CAMKK2: variants seen among roughly 807,000 people sequenced by gnomAD.
CAMKK2 encodes the protein calcium/calmodulin-dependent protein kinase kinase 2.
A neutral mutation model predicts 67.2 loss-of-function variants in CAMKK2; 30 were observed. That is an observed-to-expected ratio of 0.45 (90% confidence interval 0.33 to 0.61). The LOEUF (loss-of-function observed/expected upper bound fraction) is 0.61. Among genes scored for constraint, CAMKK2 ranks in the 20% least tolerant of loss-of-function variants. CAMKK2 has a pLI of 0.02. For missense variants in CAMKK2, 643 were observed against 802.0 expected (o/e 0.80, Z 2.39); for synonymous variants, 322 against 326.2 (o/e 0.99, Z 0.14).
intron 7 of CAMKK2, 101 bp downstream of exon 7, chr12:121,260,218 T>C (rs1428738856): frequency 3.1e-6 from 3 of 980,388 alleles, no homozygotes; most frequent in Non-Finnish European, 4.5e-6. Flanking sequence ...AAAGCTGTCT[T>C]TGGTGGAAGG....
intron 9 of CAMKK2, among the ~76,000 whole-genome samples, chr12:121,254,221 G>A (rs1410441353): frequency 1.3e-5 from 2 of 152,188 alleles, no homozygotes; most frequent in Non-Finnish European, 2.9e-5. Flanking sequence ...CACTTTGGGA[G>A]GCAAGGCAGG....
At chr12:121,286,762 G>A (rs913104877) in intron 1 of CAMKK2, among the ~76,000 whole-genome samples, 1 of 152,294 alleles carries the variant, frequency 6.6e-6, no homozygotes, top group South Asian at 2.1e-4. Context: ...GAGGCACAGA[G>A]AGCCTGGCTG....
At chr12:121,244,237 C>CACAGTGCAGCATG in intron 16 of CAMKK2, 1 of 1,136,476 alleles carries the variant, frequency 8.8e-7, no homozygotes, top group Non-Finnish European at 1.3e-6. Context: ...CGGGGGGGCA[C>CACAGTGCAGCATG]CCATGGGCCC....
At chr12:121,276,657 AATCACCCAC>A (rs1208823344) in intron 1 of CAMKK2, among the ~76,000 whole-genome samples, 4 of 151,938 alleles carry the variant, frequency 2.6e-5, no homozygotes, top group Admixed American at 1.3e-4. Flanking sequence ...ACTCCATGCT[AATCACCCAC>A]ATCACAAAGG....
intron 6 of CAMKK2, chr12:121,260,558 T>G: frequency 1.7e-6 from 1 of 588,278 alleles, no homozygotes; most frequent in Non-Finnish European, 3.0e-6. Flanking sequence ...GGAAAATAAA[T>G]GCCTCTCTGT....
At chr12:121,251,629 A>C (rs1054419309) in intron 11 of CAMKK2, among the ~76,000 whole-genome samples, 2 of 152,096 alleles carry the variant, frequency 1.3e-5, no homozygotes, top group Non-Finnish European at 2.9e-5. Context: ...GGAGTTTGAA[A>C]CCAGTCTGGC....
intron 1 of CAMKK2, among the ~76,000 whole-genome samples, chr12:121,284,833 A>C (rs1162760531): frequency 6.6e-6 from 1 of 152,200 alleles, no homozygotes; most frequent in Non-Finnish European, 1.5e-5. Flanking sequence ...TGGAGGAGAA[A>C]TGCACAGGAT....
chr12:121,240,742 C>T lies in CAMKK2; in HGVS notation c.1724G>A (p.Arg575His). Reference sequence around the variant, plus strand: ...CTCCTCCGGCCGCAGTGGATGCATGCGTGCGGGGGAGCCGGGGGCGGGGGC... The same window carrying T: ...CTCCTCCGGCCGCAGTGGATGCATGTGTGCGGGGGAGCCGGGGGCGGGGGC... Reference protein sequence around the residue: ...CWAPAPGSPARMHPLRPEEAM... With the variant: ...CWAPAPGSPAHMHPLRPEEAM... Residue 575 changes from arginine (R) to histidine (H), a missense_variant, in exon 17 of 17, where the codon CGC (arginine) becomes CAC (histidine). Transcript: ENST00000404169. The surrounding 1 kb of genome is among the most constrained non-coding windows in gnomAD (Gnocchi z 4.4). 2 of 1,608,334 alleles carry T rather than the reference C, an allele frequency of 1.2e-6. No individual in the cohort carries two copies. The highest frequency in any genetic ancestry group is 4.5e-5 in the East Asian group (2 of 44,870).
At chr12:121,266,554 T>C (rs374184342) in intron 5 of CAMKK2, among the ~76,000 whole-genome samples, 6 of 150,596 alleles carry the variant, frequency 4.0e-5, no homozygotes, top group East Asian at 3.9e-4. Flanking sequence ...TGGAGTGCAG[T>C]GGCGCGATCT....
chr12:121,260,492 C>A lies in CAMKK2; in HGVS notation c.760-137G>T, dbSNP rs904178834. On this transcript the variant is annotated intron_variant, in intron 6 of 16. Transcript: ENST00000404169. ...GGGCTGCATTTGGCAGCGTGTTTCCCAGTTAAGATGGAAGATAGGGAAAAC... is the reference window on the plus strand; with the variant it reads ...GGGCTGCATTTGGCAGCGTGTTTCCAAGTTAAGATGGAAGATAGGGAAAAC... The A allele has an allele frequency of 4.3e-5, 32 of 737,438 alleles. 1 individual carries two copies. The East Asian group carries it at 8.7e-4, about 20-fold the overall frequency. 45.7% of individuals were successfully genotyped at this position (737,438 alleles called of 1,614,324 possible).
At chr12:121,247,207 C>T (rs906122311) in intron 14 of CAMKK2, among the ~76,000 whole-genome samples, 9 of 152,128 alleles carry the variant, frequency 5.9e-5, no homozygotes, top group African/African-American at 2.2e-4. Context: ...CCAAGTGTGC[C>T]TCCATTAGGG....
At chr12:121,283,687 C>A (rs1328986197) in intron 1 of CAMKK2, among the ~76,000 whole-genome samples, 1 of 152,138 alleles carries the variant, frequency 6.6e-6, no homozygotes, top group Non-Finnish European at 1.5e-5. Flanking sequence ...ATGGTACTCA[C>A]ACCTGTAGTC....
chr12:121,253,516 C>A lies in CAMKK2; in HGVS notation c.908-44G>T. On this transcript the variant is annotated intron_variant, in intron 9 of 16. Transcript: ENST00000404169. This position sits in a 1 kb window ranked among gnomAD's most constrained non-coding sequence, Gnocchi z 5.0. Reference sequence around the variant, plus strand: ...CAGGTGGGAGATAGGGGCAGGAAAACCTCGTGAGCACCTCTATGCGGCCAC... The same window carrying A: ...CAGGTGGGAGATAGGGGCAGGAAAAACTCGTGAGCACCTCTATGCGGCCAC... 6.5e-7 allele frequency: 1 copy of A among 1,536,976 alleles called. No homozygotes were observed. The highest frequency in any genetic ancestry group is 9.0e-7 in the Non-Finnish European group (1 of 1,110,428).
intron 16 of CAMKK2, among the ~76,000 whole-genome samples, chr12:121,241,207 T>C (rs1227624196): frequency 2.0e-5 from 3 of 152,086 alleles, no homozygotes; most frequent in African/African-American, 7.2e-5. Flanking sequence ...GCGCCTGTCA[T>C]ACCAGGTTTT....
In CAMKK2 at chr12:121,260,744, G is replaced by A. The variant is rs1313290494; in HGVS notation, c.760-389C>T. ...GAGGCGGGCGGATCACCTGAGGTCG[G>A]GAGTTCAATACCAGCCTGACCAACA... On this transcript the variant is annotated intron_variant, in intron 6 of 16. Coordinates refer to ENST00000404169, the MANE Select transcript of CAMKK2 (RefSeq NM_001270485.2). Among the ~76,000 whole-genome samples, 3 of 152,016 alleles carry A rather than the reference G, an allele frequency of 2.0e-5. No homozygotes were observed. In the East Asian group the frequency reaches 5.8e-4, roughly 29 times the overall value.
intron 4 of CAMKK2, 121 bp downstream of exon 4, chr12:121,269,406 TA>T (rs1895280790): frequency 2.6e-6 from 2 of 778,012 alleles, no homozygotes; most frequent in Admixed American, 4.6e-5. Flanking sequence ...AGGCACAAAA[TA>T]AACATGACCT....
At chr12:121,286,451 G>A (rs1312001456) in intron 1 of CAMKK2, among the ~76,000 whole-genome samples, 1 of 152,230 alleles carries the variant, frequency 6.6e-6, no homozygotes, top group Non-Finnish European at 1.5e-5. Context: ...TAGCCTTCTT[G>A]AGTGCTTGGC....
chr12:121,282,972 C>T (rs962316830), intron 1 of CAMKK2, among the ~76,000 whole-genome samples: 4 of 152,160 alleles, frequency 2.6e-5, no homozygotes, highest in African/African-American at 7.2e-5. Flanking sequence ...TCAGGCTGGT[C>T]TCAAACTACT....
Position 121,240,905 on chromosome 12 carries a change from G to A in CAMKK2, c.1597-36C>T, listed in dbSNP as rs748781331. On this transcript the variant is annotated intron_variant, in intron 16 of 16. Coordinates refer to ENST00000404169, the MANE Select transcript of CAMKK2 (RefSeq NM_001270485.2). This position sits in a 1 kb window ranked among gnomAD's most constrained non-coding sequence, Gnocchi z 4.4. ...AACAGAAAACCAACATTAAGACTCTGAGAAATGCCAGCGAGGCCCTGAGCC... is the reference window on the plus strand; with the variant it reads ...AACAGAAAACCAACATTAAGACTCTAAGAAATGCCAGCGAGGCCCTGAGCC... 3 of 1,606,058 alleles carry A rather than the reference G, an allele frequency of 1.9e-6. No individual in the cohort carries two copies. The highest frequency in any genetic ancestry group is 2.7e-5 in the African/African-American group (2 of 74,696).
Sources: gnomAD v4.1 joint callset for allele counts (sites outside exome capture counted in the v4.1 genomes callset) on GRCh38, gnomAD v4.1.1 for gene constraint, Gnocchi (gnomAD v3.1) non-coding constraint, MANE v1.5 for transcripts, NCBI Gene and HGNC (gene_info 2026-07-23, HGNC 2026-07-21) for gene names.